RAD23B: variants seen among roughly 807,000 people sequenced by gnomAD.
The protein encoded by RAD23B is RAD23 nucleotide excision repair protein B, also known as lysine-specific demethylase RAD23B.
A neutral mutation model predicts 49.1 loss-of-function variants in RAD23B; 5 were observed. That is an observed-to-expected ratio of 0.10 (90% CI 0.05 to 0.21). The LOEUF is 0.21. RAD23B is among the 10% of genes least tolerant of loss of function. The pLI is 1.00. For synonymous variants in RAD23B, 184 were observed against 165.4 expected (o/e 1.11, Z -0.86); for missense variants, 356 against 486.7 (o/e 0.73, Z 2.53).
chr9:107,304,328 A>T (rs1342656862), intron 3 of RAD23B, among the ~76,000 whole-genome samples: 1 of 152,168 alleles, frequency 6.6e-6, no homozygotes, highest in Non-Finnish European at 1.5e-5. Context: ...TTTTATCTAG[A>T]TTGGTTATTA....
intron 9 of RAD23B, among the ~76,000 whole-genome samples, chr9:107,328,333 A>T (rs1166152459): frequency 6.6e-6 from 1 of 152,080 alleles, no homozygotes; most frequent in Non-Finnish European, 1.5e-5. Context: ...TTTTCTACCA[A>T]CATAGGTGGG....
At chr9:107,316,932 T>C (rs1353097458) in intron 5 of RAD23B, among the ~76,000 whole-genome samples, 2 of 152,076 alleles carry the variant, frequency 1.3e-5, no homozygotes, top group East Asian at 3.9e-4. Flanking sequence ...CTGAAGCATG[T>C]TGAAGGAACT....
At chr9:107,290,581 T>C (rs1446491838) in intron 1 of RAD23B, among the ~76,000 whole-genome samples, 2 of 152,228 alleles carry the variant, frequency 1.3e-5, no homozygotes, top group Non-Finnish European at 2.9e-5. Context: ...CACAATACTT[T>C]TAAAAAAGTC....
chr9:107,317,719 A>T (rs1410988224), intron 5 of RAD23B, among the ~76,000 whole-genome samples: 1 of 151,706 alleles, frequency 6.6e-6, no homozygotes, highest in Admixed American at 6.6e-5. Flanking sequence ...CCCAGAACAC[A>T]AGCAGAAGAA....
intron 3 of RAD23B, among the ~76,000 whole-genome samples, chr9:107,305,326 G>C (rs1226048813): frequency 6.6e-6 from 1 of 152,028 alleles, no homozygotes. Context: ...AGAAAATCAC[G>C]AGAGAGAATA....
chr9:107,283,720 G>GGCAGCC, intron 1 of RAD23B, 25 bp downstream of exon 1: 1 of 1,424,768 alleles, frequency 7.0e-7, no homozygotes, highest in Non-Finnish European at 9.2e-7. Flanking sequence ...CGGGGGCAGG[G>GGCAGCC]GCAGCCGCGT....
intron 4 of RAD23B, among the ~76,000 whole-genome samples, chr9:107,307,692 G>C (rs963239542): frequency 1.3e-5 from 2 of 152,226 alleles, no homozygotes; most frequent in African/African-American, 2.4e-5. Flanking sequence ...TTCTGCCTTT[G>C]AGTGTGGTTT....
Position 107,318,205 on chromosome 9 carries a change from G to A in RAD23B, c.554-547G>A, listed in dbSNP as rs1007347943. ...TGTCTTCTAGTACTGTAGGTTAGAA[G>A]TGTGACACAGGGCTCACTGTACTAA... On this transcript the variant is annotated intron_variant, in intron 5 of 9. Coordinates refer to ENST00000358015, the MANE Select transcript of RAD23B (RefSeq NM_002874.5). This position sits in a 1 kb window ranked among gnomAD's most constrained non-coding sequence, Gnocchi z 4.3. Among the ~76,000 whole-genome samples the A allele has an allele frequency of 5.9e-5, 9 of 152,200 alleles. No individual in the cohort carries two copies. The highest frequency in any genetic ancestry group is 1.3e-4 in the Admixed American group (2 of 15,286).
chr9:107,312,278 C>T (rs1826903041), intron 5 of RAD23B, among the ~76,000 whole-genome samples: 3 of 152,160 alleles, frequency 2.0e-5, no homozygotes, highest in Non-Finnish European at 4.4e-5. Flanking sequence ...TTTTTTCTCC[C>T]ATTGTAGCAT....
chr9:107,312,631 A>G (rs993513298), intron 5 of RAD23B, among the ~76,000 whole-genome samples: 1 of 151,874 alleles, frequency 6.6e-6, no homozygotes, highest in Non-Finnish European at 1.5e-5. Flanking sequence ...TTTGAGGAGC[A>G]GTGTCCTAAA....
chr9:107,302,311 T>C (rs1467429577), intron 3 of RAD23B, among the ~76,000 whole-genome samples, 197 bp downstream of exon 3: 1 of 152,182 alleles, frequency 6.6e-6, no homozygotes, highest in African/African-American at 2.4e-5. Flanking sequence ...CATTAAACTA[T>C]AATATAGTTT....
At chr9:107,309,670 G>A (rs930623102) in intron 4 of RAD23B, among the ~76,000 whole-genome samples, 2 of 152,150 alleles carry the variant, frequency 1.3e-5, no homozygotes, top group African/African-American at 2.4e-5. Flanking sequence ...GGTGGCTCAC[G>A]CCTGTAATCC....
At chr9:107,328,114 G>C (rs370340474) in intron 9 of RAD23B, among the ~76,000 whole-genome samples, 1 of 152,136 alleles carries the variant, frequency 6.6e-6, no homozygotes, top group Admixed American at 6.5e-5. Flanking sequence ...CAGTTGGATT[G>C]TACCCTTTAC....
intron 6 of RAD23B, among the ~76,000 whole-genome samples, chr9:107,320,153 A>G (rs1827079637): frequency 6.6e-6 from 1 of 152,256 alleles, no homozygotes; most frequent in East Asian, 1.9e-4. Flanking sequence ...TGAAGTTCAC[A>G]AAACCTTTTT....
chr9:107,303,273 G>GT (rs1816317993), intron 3 of RAD23B, among the ~76,000 whole-genome samples: 1 of 152,100 alleles, frequency 6.6e-6, no homozygotes, highest in African/African-American at 2.4e-5. Flanking sequence ...TTAAATGTGG[G>GT]TTTTTTCTCA....
At chr9:107,315,562 G>A (rs1826975953) in intron 5 of RAD23B, among the ~76,000 whole-genome samples, 1 of 152,062 alleles carries the variant, frequency 6.6e-6, no homozygotes, top group Non-Finnish European at 1.5e-5. Context: ...CACCCAGGCT[G>A]GAGTGCAGTG....
At position 107,331,612 on chromosome 9, in the gene RAD23B, TTCTGA is replaced by T; in HGVS notation, c.*1959_*1963del. The T allele has an allele frequency of 1.3e-6, 1 of 750,100 alleles. No homozygotes were observed. The highest frequency in any genetic ancestry group is 2.5e-6 in the Non-Finnish European group (1 of 406,432). The allele number at this position is 750,100 out of a possible 1,614,324, so 46.5% of individuals were successfully genotyped here. A position where few individuals can be genotyped will look rare whatever the true frequency, so the allele number is the denominator to read the frequency against. On this transcript the variant is annotated 3_prime_UTR_variant, in exon 10 of 10. Transcript: ENST00000358015. ...AATGAGTTGGGAAAAGAGGTGGCAT[TTCTGA>T]TCGGATAATGGAATACTCTCATTTA... is the stretch of plus-strand genomic sequence containing the variant.
intron 4 of RAD23B, among the ~76,000 whole-genome samples, chr9:107,308,982 TTGTC>T (rs1454068272): frequency 1.3e-5 from 2 of 152,208 alleles, no homozygotes; most frequent in Non-Finnish European, 2.9e-5. Context: ...CTTTTAAAAA[TTGTC>T]TGTTACAGTG....
intron 2 of RAD23B, among the ~76,000 whole-genome samples, chr9:107,300,783 T>C (rs144663519): frequency 2.6e-4 from 40 of 152,324 alleles, no homozygotes; most frequent in African/African-American, 9.4e-4. Flanking sequence ...AAAAATACAT[T>C]TGATATCCAA....
Sources: allele counts gnomAD v4.1 joint callset (sites outside exome capture counted in the v4.1 genomes callset), GRCh38; gene constraint gnomAD v4.1.1; non-coding constraint Gnocchi (gnomAD v3.1); transcripts MANE v1.5; gene names NCBI Gene and HGNC (gene_info 2026-07-23, HGNC 2026-07-21).